CDH19: variants seen among roughly 807,000 people sequenced by gnomAD.
CDH19 encodes cadherin-19.
CDH19 carries 67 observed loss-of-function variants against 64.2 expected under a neutral mutation model. The ratio of observed to expected loss-of-function variants is 1.04; its 90% CI spans 0.86 to 1.28. CDH19 has a LOEUF of 1.28. CDH19 is among the 50% of genes most tolerant of loss of function. CDH19 has a pLI of 0.00. For missense variants in CDH19, 1,030 were observed against 929.0 expected (o/e 1.11, Z -1.41); for synonymous variants, 346 against 319.3 (o/e 1.08, Z -0.89).
chr18:66,556,485 TTTTTAGATTCCAC>T (rs1223602548), intron 3 of CDH19, among the ~76,000 whole-genome samples: 1 of 151,816 alleles, frequency 6.6e-6, no homozygotes, highest in East Asian at 1.9e-4. Flanking sequence ...TATTGAACTT[TTTTTAGATTCCAC>T]ATATAAATAA....
rs754141237 is a variant in CDH19, at chr18:66,505,090, G to A, written c.2041C>T (p.Leu681=). 6.1e-5 allele frequency: 99 copies of A among 1,613,550 alleles called. No homozygotes were observed. The highest frequency in any genetic ancestry group is 7.8e-5 in the Non-Finnish European group (92 of 1,179,768). ...RKTTSAEIRS[L]YRQSLQVGPD... is the part of the protein sequence containing the mutation. ...CCAACTTGCAAAGACTGCCTGTATA[G>A]GCTCCTGATCTCAGCGCTTGTGGTT... The change falls in exon 12 of 12, where the codon CTA becomes TTA. Residue 681 remains leucine, a synonymous_variant. Transcript: ENST00000262150.
chr18:66,557,649 C>A (rs1987566362), intron 3 of CDH19, among the ~76,000 whole-genome samples: 1 of 151,956 alleles, frequency 6.6e-6, no homozygotes, highest in Non-Finnish European at 1.5e-5. Flanking sequence ...TGTAATTCAA[C>A]AATGTTTTAG....
chr18:66,579,678 A>G (rs1190633221), intron 1 of CDH19, among the ~76,000 whole-genome samples: 2 of 152,100 alleles, frequency 1.3e-5, no homozygotes, highest in East Asian at 3.9e-4. Context: ...GAACTAGTGT[A>G]AAATGTGGGC....
intron 10 of CDH19, 137 bp from the exon 11 acceptor site, chr18:66,509,383 G>A (rs1189940103): frequency 7.7e-6 from 5 of 649,324 alleles, no homozygotes; most frequent in South Asian, 4.8e-5. Context: ...AATTTCTGAC[G>A]AGAAGACAAC....
At chr18:66,542,667 T>C (rs192225697) in intron 7 of CDH19, among the ~76,000 whole-genome samples, 3 of 152,160 alleles carry the variant, frequency 2.0e-5, no homozygotes, top group East Asian at 3.9e-4. Context: ...CCCAAGGCCA[T>C]GAACAGCAGG....
chr18:66,594,283 G>A (rs767820160), intron 1 of CDH19, among the ~76,000 whole-genome samples: 4 of 152,042 alleles, frequency 2.6e-5, no homozygotes, highest in African/African-American at 7.2e-5. Flanking sequence ...GAAGACCTAC[G>A]AAGAAACTTA....
rs1306481450 is a variant in CDH19 at position 66,502,549 on chromosome 18, T to C, written c.*2263A>G. On this transcript the variant is annotated 3_prime_UTR_variant, in exon 12 of 12. Transcript: ENST00000262150. ...GAATTCTTCCATCTGTTGTTTATCA[T>C]ACTTTTTAGTTTTCTACTAAGATTA... 1 of 151,992 alleles carries C rather than the reference T, an allele frequency of 6.6e-6. No individual in the cohort carries two copies. The highest frequency in any genetic ancestry group is 1.5e-5 in the Non-Finnish European group (1 of 67,914). 9.4% of individuals were successfully genotyped at this position (151,992 alleles called of 1,614,324 possible).
At chr18:66,570,420 T>C (rs1290314469) in intron 2 of CDH19, among the ~76,000 whole-genome samples, 2 of 151,692 alleles carry the variant, frequency 1.3e-5, no homozygotes, top group Non-Finnish European at 2.9e-5. Context: ...TATACAATTT[T>C]CTATATTTTT....
chr18:66,569,277 A>G (rs921387387), intron 2 of CDH19, among the ~76,000 whole-genome samples: 1 of 151,738 alleles, frequency 6.6e-6, no homozygotes, highest in African/African-American at 2.4e-5. Flanking sequence ...TAATTCTCAT[A>G]TCAATATTAT....
rs761788050 is a variant in CDH19 at position 66,544,169 on chromosome 18, T to G, written c.1016A>C (p.His339Pro). ...HYGIRAKVKN[H>P]HVPEQLMKYH... ...CTTCATGAGCTGCTCAGGAACATGATGGTTTTTAACTTTTGCTCTAATACC... is the reference window on the plus strand; with the variant it reads ...CTTCATGAGCTGCTCAGGAACATGAGGGTTTTTAACTTTTGCTCTAATACC... The change falls in exon 7 of 12, where the codon CAT becomes CCT. Residue 339 changes from histidine to proline, a missense_variant. His to Pro is a moderately conservative substitution (Grantham distance 77). Coordinates refer to ENST00000262150, the MANE Select transcript of CDH19 (RefSeq NM_021153.4). The G allele has an allele frequency of 1.1e-5, 18 of 1,613,756 alleles. No homozygotes were observed. The Admixed American group carries it at 2.2e-4, about 19-fold the overall frequency.
At position 66,524,475 on chromosome 18, in the gene CDH19, T is replaced by C. The variant is rs1986130120; in HGVS notation, c.1458+5370A>G. Among the ~76,000 whole-genome samples the C allele has an allele frequency of 2.7e-5, 4 of 150,324 alleles. No individual in the cohort carries two copies. In the South Asian group the frequency reaches 8.4e-4, roughly 31 times the overall value. On this transcript the variant is annotated intron_variant, in intron 9 of 11. Transcript: ENST00000262150. Reference sequence around the variant, plus strand: ...GTGTTCTCTCCACAAAAAACAAGTATGTAGGTAATGCATATGTTAATTAAC... The same window carrying C: ...GTGTTCTCTCCACAAAAAACAAGTACGTAGGTAATGCATATGTTAATTAAC...
chr18:66,554,384 G>T (rs970128112), intron 4 of CDH19, 21 bp downstream of exon 4: 4 of 1,608,286 alleles, frequency 2.5e-6, no homozygotes, highest in East Asian at 2.2e-5. Context: ...GTTAAACTTT[G>T]CTTGTTTCAT....
intron 10 of CDH19, among the ~76,000 whole-genome samples, chr18:66,509,521 T>C (rs1002204145): frequency 5.3e-5 from 8 of 151,806 alleles, no homozygotes; most frequent in African/African-American, 1.7e-4. Context: ...TTGATACTAC[T>C]TATTTAGTTA....
intron 1 of CDH19, among the ~76,000 whole-genome samples, chr18:66,594,324 T>A (rs1185003777): frequency 6.6e-6 from 1 of 152,114 alleles, no homozygotes; most frequent in East Asian, 1.9e-4. Context: ...TGGGAGACTT[T>A]AACACCCCAA....
chr18:66,534,979 T>C lies in CDH19; in HGVS notation c.1336+7A>G, dbSNP rs1397588730. The C allele has an allele frequency of 6.9e-7, 1 of 1,446,460 alleles. No individual in the cohort carries two copies. Among genetic ancestry groups the C allele is most frequent in the Non-Finnish European group, 9.3e-7 (1 of 1,079,410 alleles). The allele number at this position is 1,446,460 out of a possible 1,614,324, so 89.6% of individuals were successfully genotyped here. ...ACAACTGTATTGGATTTCAAATGAG[T>C]ACTTACATTTTTCTGTGGCTGTAAT... On this transcript the variant is annotated splice_region_variant and intron_variant, in intron 8 of 11. Transcript: ENST00000262150.
intron 1 of CDH19, among the ~76,000 whole-genome samples, chr18:66,587,523 G>A (rs149464028): frequency 3.3e-5 from 5 of 152,178 alleles, no homozygotes; most frequent in Non-Finnish European, 7.4e-5. Flanking sequence ...TGGTTACTGT[G>A]GTAGACATAT....
intron 9 of CDH19, 62 bp downstream of exon 9, chr18:66,529,783 A>C: frequency 2.1e-6 from 2 of 966,744 alleles, no homozygotes; most frequent in Admixed American, 2.8e-5. Context: ...TATATGAAGA[A>C]ATTTCATATT....
At chr18:66,581,136 T>C (rs1988410215) in intron 1 of CDH19, among the ~76,000 whole-genome samples, 1 of 152,154 alleles carries the variant, frequency 6.6e-6, no homozygotes, top group Non-Finnish European at 1.5e-5. Context: ...GCTAATACTA[T>C]GTCTTATGTT....
chr18:66,539,439 C>G (rs1598994199), intron 7 of CDH19, among the ~76,000 whole-genome samples: 2 of 151,984 alleles, frequency 1.3e-5, no homozygotes, highest in Non-Finnish European at 2.9e-5. Context: ...TAAGAATCTT[C>G]TATTCATATT....
Sources: gnomAD v4.1 joint callset for allele counts (sites outside exome capture counted in the v4.1 genomes callset) on GRCh38, gnomAD v4.1.1 for gene constraint, MANE v1.5 for transcripts, NCBI Gene and HGNC (gene_info 2026-07-23, HGNC 2026-07-21) for gene names.